PPP1R16B: variants seen among roughly 807,000 people sequenced by gnomAD.
PPP1R16B encodes protein phosphatase 1 regulatory inhibitor subunit 16B.
Under a neutral mutation model 61.7 loss-of-function variants are expected in PPP1R16B, and 14 were observed. The ratio of observed to expected loss-of-function variants is 0.23; its 90% CI spans 0.15 to 0.35. The LOEUF (loss-of-function observed/expected upper bound fraction) is 0.35, where lower values mean the gene tolerates loss of function less well. Ranked by LOEUF, PPP1R16B falls within the 10% of genes least tolerant of loss-of-function variation. The pLI is 1.00. For missense variants in PPP1R16B, 547 were observed against 752.5 expected (o/e 0.73, Z 3.19); for synonymous variants, 266 against 305.3 (o/e 0.87, Z 1.34).
At chr20:38,890,644 C>T (rs2085285263) in intron 3 of PPP1R16B, among the ~76,000 whole-genome samples, 1 of 152,242 alleles carries the variant, frequency 6.6e-6, no homozygotes, top group South Asian at 2.1e-4. Context: ...GCTGAGCTGC[C>T]TGAGGGCACA....
At chr20:38,904,613 A>T (rs2085424548) in intron 6 of PPP1R16B, among the ~76,000 whole-genome samples, 1 of 152,152 alleles carries the variant, frequency 6.6e-6, no homozygotes, top group Non-Finnish European at 1.5e-5. Flanking sequence ...TATAAATCAG[A>T]TAATTATACT....
chr20:38,835,847 CCA>C lies in PPP1R16B; in HGVS notation c.-77_-76del. 7.0e-7 allele frequency: 1 copy of C among 1,434,516 alleles called. No individual in the cohort carries two copies. The highest frequency in any genetic ancestry group is 9.1e-7 in the Non-Finnish European group (1 of 1,093,090). The allele number at this position is 1,434,516 out of a possible 1,614,324, so 88.9% of individuals were successfully genotyped here. A position where few individuals can be genotyped will look rare whatever the true frequency, so the allele number is the denominator to read the frequency against. ...CAGGCCACACCATGAGGCCCCAGCCCCACCAGAGGCCCCGCGCTGCCCTGGCC... is the reference window on the plus strand; with the variant it reads ...CAGGCCACACCATGAGGCCCCAGCCCCCAGAGGCCCCGCGCTGCCCTGGCC... On this transcript the variant is annotated 5_prime_UTR_variant, in exon 2 of 11. An upstream open reading frame in the 5' UTR loses its in-frame stop. Coordinates refer to ENST00000299824, the MANE Select transcript of PPP1R16B (RefSeq NM_015568.4).
At chr20:38,823,367 A>G (rs2084784497) in intron 1 of PPP1R16B, among the ~76,000 whole-genome samples, 1 of 152,210 alleles carries the variant, frequency 6.6e-6, no homozygotes, top group Non-Finnish European at 1.5e-5. Flanking sequence ...GAGGCCAGGC[A>G]CGGTGGCTCA....
At chr20:38,870,523 C>A (rs2085121593) in intron 2 of PPP1R16B, among the ~76,000 whole-genome samples, 2 of 152,076 alleles carry the variant, frequency 1.3e-5, no homozygotes, top group Non-Finnish European at 2.9e-5. Context: ...GCCAGCCATG[C>A]AGAAGGATGG....
At chr20:38,917,471 A>G (rs1433327127) in intron 10 of PPP1R16B, among the ~76,000 whole-genome samples, 1 of 151,832 alleles carries the variant, frequency 6.6e-6, no homozygotes, top group Admixed American at 6.6e-5. Flanking sequence ...TCTATTTTTT[A>G]GTTTATAGTT....
chr20:38,848,241 T>A (rs1414822244), intron 2 of PPP1R16B, among the ~76,000 whole-genome samples: 1 of 152,072 alleles, frequency 6.6e-6, no homozygotes, highest in Non-Finnish European at 1.5e-5. Context: ...TCTTCTAGGG[T>A]TTTTTGGCCT....
At chr20:38,916,098 G>A (rs1405112972) in intron 10 of PPP1R16B, among the ~76,000 whole-genome samples, 2 of 150,932 alleles carry the variant, frequency 1.3e-5, no homozygotes, top group African/African-American at 4.9e-5. Flanking sequence ...GGACTCGGTG[G>A]CTCATGCCTG....
Position 38,893,946 on chromosome 20 carries a change from A to T in PPP1R16B, c.322-1619A>T, listed in dbSNP as rs538494052. ...TCCCAGTGAAGGCCTGGAGATGCTC[A>T]CCTTCCACCGCAGCCTCGCTTCGTT... is the stretch of plus-strand genomic sequence containing the variant. On this transcript the variant is annotated intron_variant, in intron 3 of 10. Transcript: ENST00000299824. Among the ~76,000 whole-genome samples the T allele has an allele frequency of 3.0e-4, 46 of 152,028 alleles. No homozygotes were observed. In the East Asian group the frequency reaches 8.7e-3, roughly 29 times the overall value.
chr20:38,809,173 G>T lies in PPP1R16B; in HGVS notation c.-102+3381G>T, dbSNP rs187951929. 2.8e-3 allele frequency among the ~76,000 whole-genome samples: 428 copies of T among 152,086 alleles called. 2 individuals carry two copies. Among genetic ancestry groups the T allele is most frequent in the African/African-American group, 9.7e-3 (404 of 41,468 alleles). Reference sequence around the variant, plus strand: ...GTCCCACCTCCTCCAGTGCTAGGGTGGGGAGTGAGTGCGACCCTGTCTCTT... The same window carrying T: ...GTCCCACCTCCTCCAGTGCTAGGGTTGGGAGTGAGTGCGACCCTGTCTCTT... On this transcript the variant is annotated intron_variant, in intron 1 of 10. Transcript: ENST00000299824.
chr20:38,888,172 G>T (rs553536438), intron 2 of PPP1R16B, among the ~76,000 whole-genome samples: 2 of 152,348 alleles, frequency 1.3e-5, no homozygotes, highest in Admixed American at 1.3e-4. Context: ...AGTGTCCACG[G>T]TGGGGATTAG....
chr20:38,865,802 G>C (rs1269784550), intron 2 of PPP1R16B, among the ~76,000 whole-genome samples: 2 of 152,240 alleles, frequency 1.3e-5, no homozygotes, highest in East Asian at 3.9e-4. Context: ...CCTCTGTTTT[G>C]AGGGCACCAC....
chr20:38,831,794 C>A (rs148262873), intron 1 of PPP1R16B, among the ~76,000 whole-genome samples: 1,817 of 152,362 alleles, frequency 0.012, 41 homozygotes, highest in African/African-American at 0.041. Context: ...ATGGTGTGGA[C>A]TTCGACCAAA....
chr20:38,822,556 G>T (rs1206931194), intron 1 of PPP1R16B, among the ~76,000 whole-genome samples: 1 of 148,532 alleles, frequency 6.7e-6, no homozygotes, highest in Non-Finnish European at 1.5e-5. Context: ...GTTTTGTGTG[G>T]GAAGTTTGGT....
chr20:38,893,853 C>T (rs1037495381), intron 3 of PPP1R16B, among the ~76,000 whole-genome samples: 4 of 152,122 alleles, frequency 2.6e-5, no homozygotes, highest in African/African-American at 9.7e-5. Context: ...CCCTATGTTT[C>T]CTGCGGTCTC....
Position 38,835,995 on chromosome 20 carries a change from C to A in PPP1R16B, c.70C>A (p.Arg24=), listed in dbSNP as rs781701776. 46 of 1,566,036 alleles carry A rather than the reference C, an allele frequency of 2.9e-5. No individual in the cohort carries two copies. The highest frequency in any genetic ancestry group is 3.5e-5 in the Non-Finnish European group (41 of 1,157,112). ...GAAGGTGCCCACGCTGGAGCGGCTGCGGGCTGCCCAGAAGCGCCGGGCCCA... is the reference window on the plus strand; with the variant it reads ...GAAGGTGCCCACGCTGGAGCGGCTGAGGGCTGCCCAGAAGCGCCGGGCCCA... ...LEKVPTLERL[R]AAQKRRAQQL... is the part of the protein sequence containing the mutation. The change falls in exon 2 of 11, where the codon CGG becomes AGG. Residue 24 remains arginine (R), a synonymous_variant. Transcript: ENST00000299824.
intron 1 of PPP1R16B, among the ~76,000 whole-genome samples, chr20:38,813,760 TCA>T (rs2084716623): frequency 7.6e-6 from 1 of 131,584 alleles, no homozygotes; most frequent in East Asian, 2.0e-4. Flanking sequence ...GACATCATCA[TCA>T]TCATCATTAT....
chr20:38,877,508 C>A lies in PPP1R16B; in HGVS notation c.251-12087C>A, dbSNP rs912158407. On this transcript the variant is annotated intron_variant, in intron 2 of 10. Transcript: ENST00000299824. The stretch of plus-strand genomic sequence containing the variant: ...TGTATTTTTAGTAGAGATGGGGTTT[C>A]ACCATGTTGGCCAGGCTGATCTCGA... Among the ~76,000 whole-genome samples the A allele has an allele frequency of 3.9e-5, 6 of 152,088 alleles. No individual in the cohort carries two copies. The East Asian group carries it at 1.2e-3, about 29-fold the overall frequency.
intron 2 of PPP1R16B, among the ~76,000 whole-genome samples, chr20:38,883,698 C>T (rs1024433051): frequency 1.1e-4 from 17 of 152,232 alleles, no homozygotes; most frequent in African/African-American, 4.1e-4. Context: ...TTACCACCAG[C>T]TCTAAAGCTC....
Position 38,918,627 on chromosome 20 carries a change from G to T in PPP1R16B, c.1665G>T (p.Glu555Asp). The T allele has an allele frequency of 1.3e-6, 2 of 1,519,356 alleles. No homozygotes were observed. The highest frequency in any genetic ancestry group is 8.8e-7 in the Non-Finnish European group (1 of 1,134,860). 94.1% of individuals were successfully genotyped at this position (1,519,356 alleles called of 1,614,324 possible). A position where few individuals can be genotyped will look rare whatever the true frequency, so the allele number is the denominator to read the frequency against. Residue 555 changes from glutamate to aspartate, a missense_variant, in exon 11 of 11, where the codon GAG becomes GAT. Physicochemically the swap from Glu to Asp is conservative, Grantham distance 45 (BLOSUM62 2). Transcript: ENST00000299824. The surrounding 1 kb of genome is among the most constrained non-coding windows in gnomAD (Gnocchi z 5.3). Reference protein sequence around the residue: ...PLLKFKAPIEEMEEKVHGCCR... With the variant: ...PLLKFKAPIEDMEEKVHGCCR... ...TAAAGTTCAAGGCCCCCATAGAGGA[G>T]ATGGAGGAGAAGGTGCATGGCTGTT...
Sources: allele counts gnomAD v4.1 joint callset (sites outside exome capture counted in the v4.1 genomes callset), GRCh38; gene constraint gnomAD v4.1.1; non-coding constraint Gnocchi (gnomAD v3.1); transcripts MANE v1.5; gene names NCBI Gene and HGNC (gene_info 2026-07-23, HGNC 2026-07-21).